LRP2BP: variants seen among roughly 807,000 people sequenced by gnomAD.
LRP2BP encodes the protein LRP2 binding protein.
In LRP2BP, 38 loss-of-function variants were observed where a neutral mutation model predicts 45.2. The observed-to-expected ratio is 0.84, with a 90% CI of 0.65 to 1.10. LRP2BP has a LOEUF of 1.10. Ranked by LOEUF, LRP2BP falls within the 50% of genes least tolerant of loss-of-function variation. LRP2BP has a pLI of 0.00. For missense variants in LRP2BP, 385 were observed against 418.9 expected, an observed-to-expected ratio of 0.92 and a Z score of 0.71; for synonymous variants, 153 against 153.9, an observed-to-expected ratio of 0.99 and a Z score of 0.04.
intron 1 of LRP2BP, among the ~76,000 whole-genome samples, chr4:185,387,971 T>C (rs1313415311): frequency 2.0e-5 from 3 of 152,228 alleles, no homozygotes; most frequent in African/African-American, 4.8e-5. Flanking sequence ...GGAAAGGCTG[T>C]GTGACGAGCC....
At chr4:185,379,832 CTCTG>C (rs2095450362) in intron 1 of LRP2BP, among the ~76,000 whole-genome samples, 1 of 152,006 alleles carries the variant, frequency 6.6e-6, no homozygotes, top group African/African-American at 2.4e-5. Context: ...CTCTCTCTCT[CTCTG>C]AGACAGCGTC....
At chr4:185,371,597 A>T (rs1386753635) in intron 7 of LRP2BP, among the ~76,000 whole-genome samples, 1 of 151,658 alleles carries the variant, frequency 6.6e-6, no homozygotes, top group Admixed American at 6.6e-5. Flanking sequence ...TTATACCCAG[A>T]CACAAATATG....
intron 1 of LRP2BP, among the ~76,000 whole-genome samples, chr4:185,385,905 A>AGGG (rs201567649): frequency 8.3e-4 from 29 of 34,878 alleles, no homozygotes; most frequent in African/African-American, 1.3e-3. Flanking sequence ...TGTCTCGGGG[A>AGGG]GGGGGGGGGG....
rs2095379738 is a variant in LRP2BP at position 185,364,507 on chromosome 4, T to G, written c.*2673A>C. ...TTCCATTTGAATCCCTGAAAGATACTCCCCTCATGCCCTAGGATGTAACCT... is the reference window on the plus strand; with the variant it reads ...TTCCATTTGAATCCCTGAAAGATACGCCCCTCATGCCCTAGGATGTAACCT... On this transcript the variant is annotated 3_prime_UTR_variant, in exon 9 of 9. Transcript: ENST00000505916. The G allele has an allele frequency of 6.6e-6, 1 of 152,110 alleles. No homozygotes were observed. The highest frequency in any genetic ancestry group is 6.6e-5 in the Admixed American group (1 of 15,264). 9.4% of individuals were successfully genotyped at this position (152,110 alleles called of 1,614,324 possible). A position where few individuals can be genotyped will look rare whatever the true frequency, so the allele number is the denominator to read the frequency against.
At chr4:185,370,965 G>A (rs1291171885) in intron 7 of LRP2BP, 151 bp from the exon 8 acceptor site, 1 of 716,386 alleles carries the variant, frequency 1.4e-6, no homozygotes, top group African/African-American at 1.8e-5. Flanking sequence ...AAGGGTCCAT[G>A]TAGGCACCTC....
At position 185,368,331 on chromosome 4, in the gene LRP2BP, G is replaced by A. The variant is rs543025498; in HGVS notation, c.979-1086C>T. Among the ~76,000 whole-genome samples, 10 of 152,268 alleles carry A rather than the reference G, an allele frequency of 6.6e-5. No homozygotes were observed. The South Asian group carries it at 2.1e-3, about 32-fold the overall frequency. ...CACCCTGCCTGACGGTGGCAGAGCC[G>A]AGAGCAGGCCTGGGTCTGTCGCCTC... On this transcript the variant is annotated intron_variant, in intron 8 of 8. Transcript: ENST00000505916.
chr4:185,375,487 A>AAAAAAAAAATATAT (rs1554018308), intron 4 of LRP2BP, 126 bp downstream of exon 4: 3 of 12,010 alleles, frequency 2.5e-4, no homozygotes, highest in East Asian at 2.6e-3. Context: ...AAAAAAAAAA[A>AAAAAAAAAATATAT]ATATATATAT....
At chr4:185,369,811 G>T (rs900061244) in intron 8 of LRP2BP, 9 of 425,468 alleles carry the variant, frequency 2.1e-5, no homozygotes, top group African/African-American at 1.2e-4. Flanking sequence ...CTGAAATAAG[G>T]CCTGAACTTT....
chr4:185,385,196 G>A (rs1184221772), intron 1 of LRP2BP, among the ~76,000 whole-genome samples: 2 of 152,114 alleles, frequency 1.3e-5, no homozygotes, highest in Non-Finnish European at 2.9e-5. Context: ...CGTTTGTGTG[G>A]GCCCACACGT....
At chr4:185,389,726 G>A (rs1000754587) in intron 1 of LRP2BP, among the ~76,000 whole-genome samples, 3 of 152,114 alleles carry the variant, frequency 2.0e-5, no homozygotes, top group South Asian at 2.1e-4. Context: ...ACAAACCTTC[G>A]TATCTGTTCA....
intron 8 of LRP2BP, among the ~76,000 whole-genome samples, chr4:185,368,772 G>A (rs73873432): frequency 3.3e-5 from 5 of 150,702 alleles, no homozygotes; most frequent in African/African-American, 1.2e-4. Flanking sequence ...ATGGAAAATC[G>A]TTCTCAGATT....
rs767797257 is a variant in LRP2BP, at chr4:185,370,646, A to C, written c.972T>G (p.Tyr324Ter). ...ATTTTGTTCTAAAGCTTACTTTAGA[A>C]TAATAGTGTTTAGCGGTTGTTTCAT... ...TRDETTAKHY[Y>*]SKACRLNPAL... Residue 324 changes from tyrosine (Y) to a stop codon, truncating the protein, a stop_gained, in exon 8 of 9, where the codon TAT becomes TAG. Coordinates refer to ENST00000505916, the MANE Select transcript of LRP2BP (RefSeq NM_001377440.1). LOFTEE classifies it high-confidence loss of function. 1.2e-6 allele frequency: 2 copies of C among 1,613,800 alleles called. No homozygotes were observed. Among genetic ancestry groups the C allele is most frequent in the Admixed American group, 1.7e-5 (1 of 59,984 alleles).
Position 185,367,132 on chromosome 4 carries a change from C to T in LRP2BP, c.*48G>A. The T allele has an allele frequency of 6.8e-7, 1 of 1,461,300 alleles. No homozygotes were observed. The allele number at this position is 1,461,300 out of a possible 1,614,324, so 90.5% of individuals were successfully genotyped here. On this transcript the variant is annotated 3_prime_UTR_variant, in exon 9 of 9. Coordinates refer to ENST00000505916, the MANE Select transcript of LRP2BP (RefSeq NM_001377440.1). ...AACATAGCTACTGTAAAAATACACA[C>T]ATTGTGAGGTGTTAGCATTGATGAT...
At chr4:185,375,516 G>GTATATATATATATATATGTA (rs775935216) in intron 4 of LRP2BP, 97 bp downstream of exon 4, 1 of 46,680 alleles carries the variant, frequency 2.1e-5, no homozygotes, top group African/African-American at 8.8e-5. Context: ...ATATATATAT[G>GTATATATATATATATATGTA]TATATATATA....
intron 1 of LRP2BP, among the ~76,000 whole-genome samples, chr4:185,387,027 C>T (rs755750122): frequency 2.0e-4 from 31 of 152,152 alleles, no homozygotes; most frequent in Non-Finnish European, 3.7e-4. Context: ...GGGCAGATCA[C>T]CTGAGGTTAG....
intron 2 of LRP2BP, chr4:185,377,848 C>T (rs896864277): frequency 2.4e-6 from 1 of 424,130 alleles, no homozygotes; most frequent in East Asian, 4.0e-5. Context: ...GAAGCATGTC[C>T]TTAAGTCCTG....
chr4:185,385,427 C>T (rs568375320), intron 1 of LRP2BP, among the ~76,000 whole-genome samples: 3 of 152,034 alleles, frequency 2.0e-5, no homozygotes, highest in East Asian at 1.9e-4. Context: ...AAATCAGGGT[C>T]GCAAAGAGAA....
chr4:185,376,911 C>G lies in LRP2BP; in HGVS notation c.214G>C (p.Glu72Gln). Residue 72 changes from glutamate (E) to glutamine (Q), a missense_variant and splice_region_variant, in exon 3 of 9, where the codon GAG (glutamate) becomes CAG (glutamine). Coordinates refer to ENST00000505916, the MANE Select transcript of LRP2BP (RefSeq NM_001377440.1). The part of the protein sequence containing the change: ...YFLRGQLYFE[E>Q]GWYEEALEQF... ...AACGAATAAACAAAAAATGATACCT[C>G]TTCAAAATATAGTTGACCTCGTAGG... The G allele has an allele frequency of 6.2e-7, 1 of 1,605,946 alleles. No homozygotes were observed. The highest frequency in any genetic ancestry group is 8.5e-7 in the Non-Finnish European group (1 of 1,173,224).
At chr4:185,384,236 A>G (rs1211578572) in intron 1 of LRP2BP, among the ~76,000 whole-genome samples, 1 of 152,190 alleles carries the variant, frequency 6.6e-6, no homozygotes, top group East Asian at 1.9e-4. Flanking sequence ...ATGTGAGGAC[A>G]CAACAAGGCA....
Sources: gnomAD v4.1 joint callset for allele counts (sites outside exome capture counted in the v4.1 genomes callset) on GRCh38, gnomAD v4.1.1 for gene constraint, MANE v1.5 for transcripts, NCBI Gene and HGNC (gene_info 2026-07-23, HGNC 2026-07-21) for gene names.